HS3ST4: variants seen among roughly 807,000 people sequenced by gnomAD.
HS3ST4 encodes heparan sulfate-glucosamine 3-sulfotransferase 4.
HS3ST4 carries 17 observed loss-of-function variants against 29.2 expected under a neutral mutation model. The ratio of observed to expected loss-of-function variants is 0.58; its 90% CI spans 0.40 to 0.87. HS3ST4 has a LOEUF of 0.87. HS3ST4 is among the 40% of genes least tolerant of loss of function. HS3ST4 has a pLI of 0.00. For synonymous variants in HS3ST4, 314 were observed against 285.7 expected (o/e 1.10, Z -1.00); for missense variants, 627 against 634.5 (o/e 0.99, Z 0.13).
At chr16:26,042,651 G>A (rs916047030) in intron 1 of HS3ST4, among the ~76,000 whole-genome samples, 2 of 152,212 alleles carry the variant, frequency 1.3e-5, no homozygotes, top group African/African-American at 4.8e-5. Flanking sequence ...TGGGATGGTT[G>A]CATCAGGAGA....
intron 1 of HS3ST4, among the ~76,000 whole-genome samples, chr16:25,701,866 C>T (rs1018271827): frequency 6.6e-6 from 1 of 152,102 alleles, no homozygotes; most frequent in Non-Finnish European, 1.5e-5. Context: ...ATGGTTCAAT[C>T]TTGGGGAATG....
rs571977646 is a variant in HS3ST4 at position 25,851,419 on chromosome 16, T to A, written c.734+158268T>A. On this transcript the variant is annotated intron_variant, in intron 1 of 1. Transcript: ENST00000331351. ...TTTGAGTAGAGCCTTCCATTTGCCCTCTGTCCATAGAGCCATCTTCCCAAG... is the reference window on the plus strand; with the variant it reads ...TTTGAGTAGAGCCTTCCATTTGCCCACTGTCCATAGAGCCATCTTCCCAAG... Among the ~76,000 whole-genome samples, 3 of 152,320 alleles carry A rather than the reference T, an allele frequency of 2.0e-5. No homozygotes were observed. In the East Asian group the frequency reaches 5.8e-4, roughly 29 times the overall value.
At chr16:25,941,345 G>T (rs1176713802) in intron 1 of HS3ST4, among the ~76,000 whole-genome samples, 1 of 151,942 alleles carries the variant, frequency 6.6e-6, no homozygotes, top group African/African-American at 2.4e-5. Flanking sequence ...TTTTAGTAGA[G>T]ACGAGGTTTC....
intron 1 of HS3ST4, among the ~76,000 whole-genome samples, chr16:26,092,515 A>T (rs1426159453): frequency 6.6e-6 from 1 of 152,120 alleles, no homozygotes; most frequent in African/African-American, 2.4e-5. Context: ...GTACCTCTGG[A>T]TCTTTAAGAT....
intron 1 of HS3ST4, among the ~76,000 whole-genome samples, chr16:26,002,553 G>A (rs1052262593): frequency 4.6e-5 from 7 of 151,986 alleles, no homozygotes; most frequent in South Asian, 2.1e-4. Context: ...GGAAGGATGT[G>A]TCTATGATTG....
At chr16:26,063,760 G>A (rs1021395104) in intron 1 of HS3ST4, among the ~76,000 whole-genome samples, 5 of 152,116 alleles carry the variant, frequency 3.3e-5, no homozygotes, top group Admixed American at 6.5e-5. Flanking sequence ...AGCTGAGTTG[G>A]CAAGCATGTT....
chr16:26,056,478 C>G (rs1373769927), intron 1 of HS3ST4, among the ~76,000 whole-genome samples: 1 of 152,168 alleles, frequency 6.6e-6, no homozygotes, highest in Non-Finnish European at 1.5e-5. Context: ...GTGTGCTCCA[C>G]CAACCCACAG....
At chr16:25,760,423 G>GTTTTTTT (rs386384530) in intron 1 of HS3ST4, among the ~76,000 whole-genome samples, 1 of 139,446 alleles carries the variant, frequency 7.2e-6, no homozygotes, top group African/African-American at 2.7e-5. Flanking sequence ...ATGACTCCAT[G>GTTTTTTT]TTTTTTTTTT....
intron 1 of HS3ST4, among the ~76,000 whole-genome samples, chr16:26,050,117 G>A (rs1040345640): frequency 5.3e-5 from 8 of 152,150 alleles, no homozygotes; most frequent in Non-Finnish European, 1.0e-4. Context: ...GGGAAGCGGG[G>A]CTGAAAGTTC....
intron 1 of HS3ST4, among the ~76,000 whole-genome samples, chr16:25,907,061 G>A (rs1968186525): frequency 6.6e-6 from 1 of 152,054 alleles, no homozygotes; most frequent in Non-Finnish European, 1.5e-5. Flanking sequence ...GACAGGCATG[G>A]TGGCACATGC....
intron 1 of HS3ST4, among the ~76,000 whole-genome samples, chr16:25,942,615 T>G (rs927852546): frequency 3.3e-5 from 5 of 151,996 alleles, no homozygotes; most frequent in Admixed American, 3.3e-4. Context: ...TCCTTTTTTT[T>G]TTTTTCTTTC....
chr16:25,839,281 A>G (rs541608194), intron 1 of HS3ST4, among the ~76,000 whole-genome samples: 1 of 152,330 alleles, frequency 6.6e-6, no homozygotes, highest in Admixed American at 6.5e-5. Flanking sequence ...TGAAGACATC[A>G]TGAAGAAAGC....
At chr16:25,856,067 C>G (rs1429392147) in intron 1 of HS3ST4, among the ~76,000 whole-genome samples, 7 of 151,988 alleles carry the variant, frequency 4.6e-5, no homozygotes, top group African/African-American at 1.2e-4. Flanking sequence ...TCCAATTCCC[C>G]ACCAGAGCCA....
At chr16:26,038,841 G>C (rs561445053) in intron 1 of HS3ST4, among the ~76,000 whole-genome samples, 2 of 151,938 alleles carry the variant, frequency 1.3e-5, no homozygotes, top group Non-Finnish European at 2.9e-5. Flanking sequence ...CTGCCACCAC[G>C]CCCGGCTAAT....
intron 1 of HS3ST4, among the ~76,000 whole-genome samples, chr16:26,030,230 T>G (rs1185087312): frequency 1.3e-5 from 2 of 152,154 alleles, no homozygotes; most frequent in Non-Finnish European, 2.9e-5. Context: ...AAATACACAA[T>G]CCCTTGTCTC....
chr16:25,891,876 G>A (rs1219789043), intron 1 of HS3ST4, among the ~76,000 whole-genome samples: 3 of 152,222 alleles, frequency 2.0e-5, no homozygotes, highest in African/African-American at 7.2e-5. Context: ...GCTGAGTGAT[G>A]TTGGGTGAGT....
intron 1 of HS3ST4, among the ~76,000 whole-genome samples, chr16:25,978,603 C>T (rs115365697): frequency 0.034 from 5,103 of 152,256 alleles, 308 homozygotes; most frequent in African/African-American, 0.12. Context: ...GCTTTGTTGG[C>T]CAAGTAGGTG....
intron 1 of HS3ST4, among the ~76,000 whole-genome samples, chr16:25,704,295 C>T (rs1191702960): frequency 1.3e-5 from 2 of 152,120 alleles, no homozygotes; most frequent in Non-Finnish European, 2.9e-5. Flanking sequence ...GCTGTGTGGG[C>T]TAGCTAGTCT....
At chr16:26,034,407 T>C (rs188167592) in intron 1 of HS3ST4, among the ~76,000 whole-genome samples, 8 of 152,322 alleles carry the variant, frequency 5.3e-5, no homozygotes, top group Admixed American at 2.6e-4. Flanking sequence ...TGAAGCCCAC[T>C]TTATGCTAGG....
Sources: gnomAD v4.1 joint callset for allele counts (sites outside exome capture counted in the v4.1 genomes callset) on GRCh38, gnomAD v4.1.1 for gene constraint, MANE v1.5 for transcripts, NCBI Gene and HGNC (gene_info 2026-07-23, HGNC 2026-07-21) for gene names.